The following BRINP2 variants were observed in gnomAD, a reference collection of about 807,000 sequenced individuals.
BRINP2 encodes BMP/retinoic acid-inducible neural-specific protein 2.
A neutral mutation model predicts 69.2 loss-of-function variants in BRINP2; 21 were observed. That is an observed-to-expected ratio of 0.30 (90% CI 0.22 to 0.44). The LOEUF (loss-of-function observed/expected upper bound fraction) is 0.44, where lower values mean the gene tolerates loss of function less well. BRINP2 is among the 20% of genes least tolerant of loss of function. BRINP2 has a pLI of 1.00. For missense variants in BRINP2, 877 were observed against 986.0 expected, an observed-to-expected ratio of 0.89 and a Z score of 1.48; for synonymous variants, 380 against 394.1, an observed-to-expected ratio of 0.96 and a Z score of 0.42.
At chr1:177,181,051 AG>A (rs1446096390) in intron 1 of BRINP2, among the ~76,000 whole-genome samples, 1 of 152,192 alleles carries the variant, frequency 6.6e-6, no homozygotes, top group African/African-American at 2.4e-5. Flanking sequence ...TCTATGAAGT[AG>A]ATACTATTAT....
In BRINP2 at chr1:177,280,819, A is replaced by G. The variant is rs1430158232; in HGVS notation, c.1643A>G (p.Lys548Arg). 6.2e-7 allele frequency: 1 copy of G among 1,614,052 alleles called. No individual in the cohort carries two copies. Among genetic ancestry groups the G allele is most frequent in the Non-Finnish European group, 8.5e-7 (1 of 1,179,958 alleles). Residue 548 changes from lysine to arginine, a missense_variant, in exon 8 of 8, where the codon AAG (lysine) becomes AGG (arginine). By Grantham distance (26) the Lys-to-Arg change is conservative. Around this residue, in one of 3 missense-constraint regions of BRINP2, gnomAD observed 86 missense variants for 142.1 expected, o/e 0.61. Transcript: ENST00000361539. ...AGCTGGTTTGACCCTTCCTGGAGGA[A>G]GCGCATGCTGCTCACCCTGAAGAGC... ...LGSWFDPSWR[K>R]RMLLTLKSNK...
intron 6 of BRINP2, among the ~76,000 whole-genome samples, 186 bp from the exon 7 acceptor site, chr1:177,278,377 C>T (rs560727420): frequency 6.7e-4 from 100 of 148,762 alleles, no homozygotes; most frequent in East Asian, 1.9e-4. Flanking sequence ...CCATATTTTA[C>T]AACATGTTAA....
Position 177,281,176 on chromosome 1 carries a change from A to T in BRINP2, c.2000A>T (p.Glu667Val). Residue 667 changes from glutamate to valine, a missense_variant, in exon 8 of 8, where the codon GAG becomes GTG. This residue lies in a region of BRINP2 where 225 missense variants were observed against 218.7 expected (regional missense o/e 1.03). Transcript: ENST00000361539. ...SNETIYYEPL[E>V]MTDPSKNLGY... ...GAGACAATCTACTATGAGCCCCTGG[A>T]GATGACTGATCCCTCTAAGAATTTG... The T allele has an allele frequency of 6.2e-7, 1 of 1,614,236 alleles. No individual in the cohort carries two copies. The highest frequency in any genetic ancestry group is 8.5e-7 in the Non-Finnish European group (1 of 1,180,034).
At position 177,242,742 on chromosome 1, in the gene BRINP2, A is replaced by G. The variant is rs547858130; in HGVS notation, c.269+12597A>G. Among the ~76,000 whole-genome samples, 8 of 152,286 alleles carry G rather than the reference A, an allele frequency of 5.3e-5. No homozygotes were observed. In the East Asian group the frequency reaches 1.5e-3, roughly 29 times the overall value. ...AGAACATGTCGTATTTCACCTTTATATCTCCTGACCCCAGCACCATGTCTG... is the reference window on the plus strand; with the variant it reads ...AGAACATGTCGTATTTCACCTTTATGTCTCCTGACCCCAGCACCATGTCTG... On this transcript the variant is annotated intron_variant, in intron 2 of 7. Coordinates refer to ENST00000361539, the MANE Select transcript of BRINP2 (RefSeq NM_021165.4).
At chr1:177,241,061 T>C (rs1389365250) in intron 2 of BRINP2, among the ~76,000 whole-genome samples, 2 of 151,876 alleles carry the variant, frequency 1.3e-5, no homozygotes, top group Non-Finnish European at 2.9e-5. Flanking sequence ...AAACTCCGCC[T>C]CCCGGGTTCA....
At chr1:177,194,301 A>G (rs1346998137) in intron 1 of BRINP2, among the ~76,000 whole-genome samples, 2 of 152,216 alleles carry the variant, frequency 1.3e-5, no homozygotes, top group Non-Finnish European at 2.9e-5. Context: ...TTTTTACATG[A>G]CAGAATCTTA....
intron 1 of BRINP2, among the ~76,000 whole-genome samples, chr1:177,201,663 A>C (rs550942191): frequency 6.6e-6 from 1 of 152,314 alleles, no homozygotes; most frequent in East Asian, 1.9e-4. Flanking sequence ...CTGGATTGAT[A>C]CACCTTGATC....
At chr1:177,270,082 T>TC (rs547461505) in intron 4 of BRINP2, among the ~76,000 whole-genome samples, 1 of 130,082 alleles carries the variant, frequency 7.7e-6, no homozygotes, top group East Asian at 2.3e-4. Flanking sequence ...GGGCAAGGGG[T>TC]GGGGGGGGTG....
chr1:177,228,231 G>A (rs552766623), intron 1 of BRINP2, among the ~76,000 whole-genome samples: 10 of 152,290 alleles, frequency 6.6e-5, no homozygotes, highest in South Asian at 4.1e-4. Flanking sequence ...GACGCTGAAC[G>A]TCCAGCCACT....
intron 1 of BRINP2, among the ~76,000 whole-genome samples, chr1:177,174,384 A>T (rs748533774): frequency 5.3e-5 from 8 of 152,250 alleles, no homozygotes; most frequent in Non-Finnish European, 1.0e-4. Flanking sequence ...GTGAAGAATA[A>T]AAGTCTCATA....
At chr1:177,278,902 C>A in intron 7 of BRINP2, 117 bp downstream of exon 7, 2 of 951,762 alleles carry the variant, frequency 2.1e-6, no homozygotes, top group Non-Finnish European at 3.2e-6. Context: ...CACACATAGC[C>A]TTCCAGTTAT....
At chr1:177,232,210 ACT>A (rs1225181465) in intron 2 of BRINP2, among the ~76,000 whole-genome samples, 2 of 152,088 alleles carry the variant, frequency 1.3e-5, no homozygotes, top group East Asian at 1.9e-4. Flanking sequence ...GAGGGAACAA[ACT>A]CTCAGCTTCC....
rs1027984528 is a variant in BRINP2 at position 177,185,182 on chromosome 1, G to A, written c.-77+13450G>A. Among the ~76,000 whole-genome samples the A allele has an allele frequency of 9.2e-5, 14 of 152,074 alleles. 1 individual carries two copies. The East Asian group carries it at 1.9e-3, about 21-fold the overall frequency. Reference sequence around the variant, plus strand: ...TCTGCGATTAGAAAAGTTGGAGAACGTGCCCTCCTTTCCACCCATCCCCTC... The same window carrying A: ...TCTGCGATTAGAAAAGTTGGAGAACATGCCCTCCTTTCCACCCATCCCCTC... On this transcript the variant is annotated intron_variant, in intron 1 of 7. Coordinates refer to ENST00000361539, the MANE Select transcript of BRINP2 (RefSeq NM_021165.4).
At chr1:177,252,260 A>G (rs1012336857) in intron 2 of BRINP2, among the ~76,000 whole-genome samples, 1 of 152,200 alleles carries the variant, frequency 6.6e-6, no homozygotes, top group African/African-American at 2.4e-5. Context: ...AAAGCTACAC[A>G]GCGGGAATTT....
chr1:177,273,632 TG>T (rs780222914), intron 5 of BRINP2, 39 bp downstream of exon 5: 1 of 1,277,794 alleles, frequency 7.8e-7, no homozygotes. Context: ...CTTTCACACC[TG>T]ATTTAAAAAA....
chr1:177,269,938 TG>T (rs1651250265), intron 4 of BRINP2, among the ~76,000 whole-genome samples: 9 of 152,210 alleles, frequency 5.9e-5, no homozygotes, highest in African/African-American at 1.9e-4. Flanking sequence ...AGTGTGTGCC[TG>T]AGTGAACTGC....
intron 1 of BRINP2, among the ~76,000 whole-genome samples, chr1:177,222,780 G>A (rs1649575866): frequency 6.6e-6 from 1 of 152,186 alleles, no homozygotes; most frequent in African/African-American, 2.4e-5. Flanking sequence ...AACCAAGGAA[G>A]GCAGGCAGCC....
chr1:177,247,012 G>C (rs1413558627), intron 2 of BRINP2, among the ~76,000 whole-genome samples: 1 of 152,178 alleles, frequency 6.6e-6, no homozygotes, highest in Non-Finnish European at 1.5e-5. Context: ...CTGAGTCACT[G>C]GGTAAAAAAC....
chr1:177,177,773 C>T (rs1000787049), intron 1 of BRINP2, among the ~76,000 whole-genome samples: 1 of 152,116 alleles, frequency 6.6e-6, no homozygotes, highest in Non-Finnish European at 1.5e-5. Context: ...AAGGGTTATG[C>T]TAAATGTTAA....
Sources: allele counts gnomAD v4.1 joint callset (sites outside exome capture counted in the v4.1 genomes callset), GRCh38; gene constraint gnomAD v4.1.1; regional missense constraint gnomAD v4.1.1; transcripts MANE v1.5; gene names NCBI Gene and HGNC (gene_info 2026-07-23, HGNC 2026-07-21).